Variants in MAGI2 observed in about 807,000 individuals in gnomAD.
The protein encoded by MAGI2 is membrane associated guanylate kinase, WW and PDZ domain containing 2.
A neutral mutation model predicts 133.3 loss-of-function variants in MAGI2; 35 were observed. The observed-to-expected ratio is 0.26, with a 90% CI of 0.20 to 0.35. The LOEUF (loss-of-function observed/expected upper bound fraction) is 0.35, where lower values mean the gene tolerates loss of function less well. Ranked by LOEUF, MAGI2 falls within the 10% of genes least tolerant of loss-of-function variation. The pLI, the probability that MAGI2 is intolerant of heterozygous loss-of-function variation, is 1.00. For missense variants in MAGI2, 1,636 were observed against 1,863.4 expected, an observed-to-expected ratio of 0.88 and a Z score of 2.25; for synonymous variants, 729 against 710.6, an observed-to-expected ratio of 1.03 and a Z score of -0.41.
intron 2 of MAGI2, among the ~76,000 whole-genome samples, chr7:78,635,738 G>A (rs1809561174): frequency 6.6e-6 from 1 of 152,162 alleles, no homozygotes; most frequent in Non-Finnish European, 1.5e-5. Context: ...GATTCTTGAA[G>A]ACACTTAAGT....
chr7:79,080,815 T>C (rs1815971705), intron 1 of MAGI2, among the ~76,000 whole-genome samples: 1 of 152,156 alleles, frequency 6.6e-6, no homozygotes, highest in Admixed American at 6.5e-5. Context: ...TCAACTGCTC[T>C]CTATCAGTTA....
chr7:79,383,642 A>C (rs1843966409), intron 1 of MAGI2, among the ~76,000 whole-genome samples: 1 of 151,588 alleles, frequency 6.6e-6, no homozygotes, highest in African/African-American at 2.4e-5. Context: ...AATCATATTT[A>C]TGTTGTTAAT....
At chr7:78,751,353 A>T (rs757130926) in intron 2 of MAGI2, among the ~76,000 whole-genome samples, 49 of 152,312 alleles carry the variant, frequency 3.2e-4, no homozygotes, top group Middle Eastern at 3.4e-3. Context: ...TCCTAAAATT[A>T]GACTTGGAAA....
intron 1 of MAGI2, among the ~76,000 whole-genome samples, chr7:79,223,106 C>G (rs1456158023): frequency 6.6e-6 from 1 of 151,930 alleles, no homozygotes; most frequent in East Asian, 1.9e-4. Flanking sequence ...AGGATGGTCT[C>G]GATCTCCTGA....
In MAGI2 at chr7:78,437,361, A is replaced by C. The variant is rs1399243520; in HGVS notation, c.1045+52400T>G. 8.0e-4 allele frequency among the ~76,000 whole-genome samples: 122 copies of C among 152,206 alleles called. 1 individual carries two copies. Among genetic ancestry groups the C allele is most frequent in the Non-Finnish European group, 5.9e-5 (4 of 68,032 alleles). ...AAAAGCATTTTGGAATTGGGGGAAG[A>C]AGTCATGCAAAAAGAATTTGTACTT... On this transcript the variant is annotated intron_variant, in intron 6 of 21. Transcript: ENST00000354212.
At chr7:79,045,686 G>A (rs752359056) in intron 1 of MAGI2, among the ~76,000 whole-genome samples, 9 of 152,138 alleles carry the variant, frequency 5.9e-5, no homozygotes, top group Admixed American at 2.6e-4. Context: ...CAGCTATGCC[G>A]GAGGCTGAGG....
chr7:79,103,857 A>G (rs1353024860), intron 1 of MAGI2, among the ~76,000 whole-genome samples: 2 of 101,990 alleles, frequency 2.0e-5, no homozygotes, highest in African/African-American at 5.1e-5. Context: ...CCGCCACCAC[A>G]CCTGGCTAAT....
rs144903794 is a variant in MAGI2 at position 79,114,313 on chromosome 7, T to C, written c.302-107107A>G. Reference sequence around the variant, plus strand: ...TTGTCTTGCAGGTTGATCTCTTTAATGGATATTGGACCAGACTCCAAAATA... The same window carrying C: ...TTGTCTTGCAGGTTGATCTCTTTAACGGATATTGGACCAGACTCCAAAATA... On this transcript the variant is annotated intron_variant, in intron 1 of 21. Transcript: ENST00000354212. Among the ~76,000 whole-genome samples the C allele has an allele frequency of 2.6e-3, 398 of 152,330 alleles. 2 individuals are homozygous for C. Among genetic ancestry groups the C allele is most frequent in the African/African-American group, 8.7e-3 (362 of 41,584 alleles).
chr7:79,347,420 C>A (rs971690588), intron 1 of MAGI2, among the ~76,000 whole-genome samples: 1 of 151,388 alleles, frequency 6.6e-6, no homozygotes, highest in Non-Finnish European at 1.5e-5. Flanking sequence ...ATCTTTTCTT[C>A]TTTGCCTCTG....
chr7:78,200,681 CAT>C (rs112655558), intron 11 of MAGI2, among the ~76,000 whole-genome samples: 3 of 151,972 alleles, frequency 2.0e-5, no homozygotes, highest in Non-Finnish European at 2.9e-5. Context: ...ACAAAGCTAA[CAT>C]ATATATACAC....
intron 10 of MAGI2, among the ~76,000 whole-genome samples, chr7:78,215,697 A>AC (rs1249010622): frequency 6.6e-6 from 1 of 152,098 alleles, no homozygotes; most frequent in Non-Finnish European, 1.5e-5. Flanking sequence ...TTGATTAGCA[A>AC]CCCCAGCCAT....
At chr7:79,122,193 A>G (rs1033373594) in intron 1 of MAGI2, among the ~76,000 whole-genome samples, 1 of 152,184 alleles carries the variant, frequency 6.6e-6, no homozygotes, top group African/African-American at 2.4e-5. Flanking sequence ...CTATCATTAT[A>G]TCAGATAAAC....
intron 5 of MAGI2, among the ~76,000 whole-genome samples, chr7:78,495,856 A>T (rs1794043784): frequency 6.6e-6 from 1 of 152,186 alleles, no homozygotes; most frequent in African/African-American, 2.4e-5. Context: ...TCTGGAAATT[A>T]CACCAGAATC....
chr7:79,146,607 G>C (rs911525028), intron 1 of MAGI2, among the ~76,000 whole-genome samples: 1 of 152,166 alleles, frequency 6.6e-6, no homozygotes, highest in Non-Finnish European at 1.5e-5. Context: ...TAATGAATAA[G>C]TGTCACAAGA....
At chr7:78,071,814 G>A (rs1315042556) in intron 21 of MAGI2, among the ~76,000 whole-genome samples, 8 of 152,260 alleles carry the variant, frequency 5.3e-5, no homozygotes, top group African/African-American at 1.9e-4. Flanking sequence ...AGGAAGATAC[G>A]CTCAACCGTG....
At chr7:78,975,823 T>C (rs528248409) in intron 2 of MAGI2, among the ~76,000 whole-genome samples, 3 of 151,650 alleles carry the variant, frequency 2.0e-5, no homozygotes, top group African/African-American at 7.2e-5. Flanking sequence ...ATATCAGAAA[T>C]GAAAGAAGTT....
At chr7:78,278,104 A>T (rs971136672) in intron 9 of MAGI2, among the ~76,000 whole-genome samples, 1 of 152,158 alleles carries the variant, frequency 6.6e-6, no homozygotes, top group Admixed American at 6.5e-5. Flanking sequence ...TTGATTTATA[A>T]GGAAACTCAC....
chr7:79,148,717 A>T (rs1822887008), intron 1 of MAGI2, among the ~76,000 whole-genome samples: 1 of 151,778 alleles, frequency 6.6e-6, no homozygotes, highest in African/African-American at 2.4e-5. Context: ...GTGTGAAGAA[A>T]ATGTGGGCAG....
chr7:79,342,900 C>T (rs1334271084), intron 1 of MAGI2, among the ~76,000 whole-genome samples: 1 of 152,010 alleles, frequency 6.6e-6, no homozygotes, highest in East Asian at 1.9e-4. Context: ...GCTGGGATTA[C>T]AGGCACGTGC....
Sources: allele counts gnomAD v4.1 joint callset (sites outside exome capture counted in the v4.1 genomes callset), GRCh38; gene constraint gnomAD v4.1.1; transcripts MANE v1.5; gene names NCBI Gene and HGNC (gene_info 2026-07-23, HGNC 2026-07-21).